Variants in CALN1 observed in about 807,000 individuals in gnomAD.
CALN1 encodes calcium-binding protein 8.
A neutral mutation model predicts 30.6 loss-of-function variants in CALN1; 17 were observed. That is an observed-to-expected ratio of 0.56 (90% CI 0.38 to 0.83). The LOEUF (loss-of-function observed/expected upper bound fraction) is 0.83. Among genes scored for constraint, CALN1 ranks in the 40% least tolerant of loss-of-function variants. CALN1 has a pLI of 0.00. For synonymous variants in CALN1, 156 were observed against 131.4 expected (o/e 1.19, Z -1.28); for missense variants, 291 against 354.9 (o/e 0.82, Z 1.45).
At chr7:72,033,476 G>A (rs566732003) in intron 4 of CALN1, among the ~76,000 whole-genome samples, 1 of 150,986 alleles carries the variant, frequency 6.6e-6, no homozygotes, top group African/African-American at 2.4e-5. Flanking sequence ...TGAAGGGAGT[G>A]CTATAATTGA....
intron 2 of CALN1, among the ~76,000 whole-genome samples, chr7:72,395,206 G>A (rs1323555674): frequency 6.6e-6 from 1 of 152,096 alleles, no homozygotes; most frequent in Non-Finnish European, 1.5e-5. Flanking sequence ...AATAAATAAG[G>A]GTGTGAGCAT....
At chr7:72,202,154 G>A (rs1791483854) in intron 3 of CALN1, among the ~76,000 whole-genome samples, 1 of 152,100 alleles carries the variant, frequency 6.6e-6, no homozygotes, top group South Asian at 2.1e-4. Flanking sequence ...AGATTTGCAA[G>A]AAACCAAAAA....
At chr7:72,079,790 A>C (rs1187116314) in intron 4 of CALN1, among the ~76,000 whole-genome samples, 1 of 76,474 alleles carries the variant, frequency 1.3e-5, no homozygotes. Flanking sequence ...TTTTTTTTGG[A>C]GACAAGGCCT....
At chr7:72,450,632 C>A (rs758443415), upstream of CALN1, among the ~76,000 whole-genome samples, 2 of 152,312 alleles carry the variant, frequency 1.3e-5, no homozygotes, top group Non-Finnish European at 1.5e-5. Context: ...GTAATCCCAG[C>A]ACTTTGGGAG....
intron 5 of CALN1, among the ~76,000 whole-genome samples, chr7:71,953,328 A>G (rs113161497): frequency 4.6e-5 from 7 of 152,188 alleles, no homozygotes; most frequent in African/African-American, 1.7e-4. Flanking sequence ...CTTCATCTTA[A>G]TATTTTCCAT....
At chr7:72,401,772 G>A (rs1220203753) in intron 2 of CALN1, among the ~76,000 whole-genome samples, 1 of 152,232 alleles carries the variant, frequency 6.6e-6, no homozygotes, top group Non-Finnish European at 1.5e-5. Context: ...TCTGTTTGCT[G>A]TGTGATATCC....
chr7:72,383,133 G>A (rs1189799500), intron 2 of CALN1, among the ~76,000 whole-genome samples: 2 of 152,118 alleles, frequency 1.3e-5, no homozygotes, highest in African/African-American at 4.8e-5. Flanking sequence ...TGGTGTATGT[G>A]TACCACATTT....
chr7:72,118,982 G>A (rs551068967), intron 3 of CALN1, among the ~76,000 whole-genome samples: 7 of 152,284 alleles, frequency 4.6e-5, no homozygotes, highest in African/African-American at 1.4e-4. Context: ...CAGTATCTAC[G>A]TTGTGATCTT....
At chr7:71,910,026 A>T (rs1163875471) in intron 5 of CALN1, among the ~76,000 whole-genome samples, 1 of 152,078 alleles carries the variant, frequency 6.6e-6, no homozygotes, top group Non-Finnish European at 1.5e-5. Context: ...AGAGCTTTGC[A>T]AGGGAACTTC....
the CALN1 span, among the ~76,000 whole-genome samples, chr7:72,462,154 TTATG>T: frequency 7.2e-4 from 109 of 151,364 alleles, no homozygotes; most frequent in African/African-American, 1.3e-3. Flanking sequence ...TTTATTTAAT[TTATG>T]TATGTATGTA....
chr7:72,413,330 C>G (rs1807300247), upstream of CALN1, among the ~76,000 whole-genome samples: 1 of 151,532 alleles, frequency 6.6e-6, no homozygotes, highest in Non-Finnish European at 1.5e-5. Flanking sequence ...CTAACATACA[C>G]TCACATCCAC....
chr7:72,407,583 C>T lies in CALN1; in HGVS notation c.-73-4141G>A, dbSNP rs1238165008. Among the ~76,000 whole-genome samples the T allele has an allele frequency of 4.6e-5, 7 of 152,214 alleles. No homozygotes were observed. The South Asian group carries it at 1.4e-3, about 32-fold the overall frequency. On this transcript the variant is annotated intron_variant, in intron 1 of 6. Coordinates refer to ENST00000395275, the MANE Select transcript of CALN1 (RefSeq NM_031468.4). ...GAAGACATGCCTGTTTCCCCTTGGC[C>T]TTCCACCATAATTGTAAGTTTCCTG...
intron 2 of CALN1, among the ~76,000 whole-genome samples, chr7:72,375,627 A>G (rs900561226): frequency 3.9e-5 from 6 of 152,062 alleles, no homozygotes; most frequent in African/African-American, 1.2e-4. Context: ...GCATAATACA[A>G]AATTAGGCAC....
At chr7:72,007,564 GAACAA>G (rs1339945637) in intron 5 of CALN1, among the ~76,000 whole-genome samples, 1 of 151,834 alleles carries the variant, frequency 6.6e-6, no homozygotes, top group Admixed American at 6.6e-5. Flanking sequence ...AAAACAAAAC[GAACAA>G]AACAACTTAA....
intron 4 of CALN1, among the ~76,000 whole-genome samples, chr7:72,104,670 C>A (rs1806950060): frequency 6.6e-6 from 1 of 152,050 alleles, no homozygotes; most frequent in African/African-American, 2.4e-5. Flanking sequence ...AAATAATACA[C>A]AATTTAGGCC....
intron 5 of CALN1, among the ~76,000 whole-genome samples, chr7:71,863,777 T>A (rs1791438589): frequency 6.6e-6 from 1 of 152,106 alleles, no homozygotes; most frequent in Non-Finnish European, 1.5e-5. Context: ...CCTGTCTACA[T>A]CTCTTCCCTG....
intron 4 of CALN1, among the ~76,000 whole-genome samples, chr7:72,105,335 C>G (rs1378953944): frequency 3.3e-5 from 5 of 152,182 alleles, no homozygotes; most frequent in Non-Finnish European, 5.9e-5. Flanking sequence ...CCTGCAGCCT[C>G]TTGCTGGTGA....
chr7:72,312,186 T>C (rs1585444723), intron 2 of CALN1, among the ~76,000 whole-genome samples: 1 of 152,174 alleles, frequency 6.6e-6, no homozygotes, highest in African/African-American at 2.4e-5. Flanking sequence ...AGAGTATCAC[T>C]TGATGTCAGG....
chr7:71,847,820 A>AAGG (rs1484151193), intron 5 of CALN1, among the ~76,000 whole-genome samples: 5 of 99,670 alleles, frequency 5.0e-5, no homozygotes, highest in African/African-American at 2.6e-4. Context: ...GGAGAAGGAG[A>AAGG]AGGAGAAGGA....
Sources: allele counts gnomAD v4.1 joint callset (sites outside exome capture counted in the v4.1 genomes callset), GRCh38; gene constraint gnomAD v4.1.1; transcripts MANE v1.5; gene names NCBI Gene and HGNC (gene_info 2026-07-23, HGNC 2026-07-21).